Variants in MYO10 observed in about 807,000 individuals in gnomAD.
MYO10 encodes unconventional myosin-X.
Under a neutral mutation model 257.3 loss-of-function variants are expected in MYO10, and 133 were observed. The observed-to-expected ratio is 0.52, with a 90% CI of 0.45 to 0.60. MYO10 has a LOEUF of 0.60. Ranked by LOEUF, MYO10 falls within the 20% of genes least tolerant of loss-of-function variation. The pLI is 0.00. For synonymous variants in MYO10, 1,104 were observed against 1,028.6 expected (o/e 1.07, Z -1.40); for missense variants, 2,399 against 2,635.7 (o/e 0.91, Z 1.97).
chr5:16,817,018 C>T (rs915626787), intron 3 of MYO10, among the ~76,000 whole-genome samples: 11 of 151,858 alleles, frequency 7.2e-5, no homozygotes, highest in African/African-American at 2.7e-4. Flanking sequence ...TGGGATTTCA[C>T]CATGTTCGTC....
At chr5:16,713,641 G>C (rs1738721561) in intron 19 of MYO10, among the ~76,000 whole-genome samples, 1 of 152,114 alleles carries the variant, frequency 6.6e-6, no homozygotes, top group South Asian at 2.1e-4. Flanking sequence ...TTAACCAGGG[G>C]AGGGGGATCT....
intron 4 of MYO10, among the ~76,000 whole-genome samples, chr5:16,788,270 G>A (rs1460736365): frequency 1.3e-5 from 2 of 152,158 alleles, no homozygotes; most frequent in Non-Finnish European, 2.9e-5. Context: ...GGGGTGGGCA[G>A]CAAGTGACAG....
chr5:16,789,986 CTT>C, intron 4 of MYO10, among the ~76,000 whole-genome samples: 1 of 151,966 alleles, frequency 6.6e-6, no homozygotes, highest in East Asian at 1.9e-4. Flanking sequence ...GTTCCTTTTT[CTT>C]TGTGTTTCCC....
chr5:16,684,050 A>G (rs535508475), intron 29 of MYO10, 115 bp from the exon 30 acceptor site: 1 of 919,700 alleles, frequency 1.1e-6, no homozygotes, highest in African/African-American at 1.7e-5. Context: ...TTTTCTTTTT[A>G]ACTTCAAAAT....
intron 4 of MYO10, among the ~76,000 whole-genome samples, chr5:16,793,140 G>A (rs1579996619): frequency 2.0e-5 from 3 of 152,014 alleles, no homozygotes; most frequent in South Asian, 4.1e-4. Context: ...AATGCTTGGC[G>A]CCTCCACGGA....
rs1388500060 is a variant in MYO10 at position 16,840,593 on chromosome 5, C to A, written c.121-22426G>T. Reference sequence around the variant, plus strand: ...TTATGACTCTTATGACTACCAGGAACAGAGCCACTACAAGCACACTGTACA... The same window carrying A: ...TTATGACTCTTATGACTACCAGGAAAAGAGCCACTACAAGCACACTGTACA... On this transcript the variant is annotated intron_variant, in intron 2 of 40. Coordinates refer to ENST00000513610, the MANE Select transcript of MYO10 (RefSeq NM_012334.3). Among the ~76,000 whole-genome samples the A allele has an allele frequency of 2.0e-5, 3 of 152,236 alleles. No homozygotes were observed. The East Asian group carries it at 5.8e-4, about 29-fold the overall frequency.
intron 39 of MYO10, among the ~76,000 whole-genome samples, chr5:16,669,842 A>T (rs1488173813): frequency 6.6e-6 from 1 of 152,232 alleles, no homozygotes; most frequent in African/African-American, 2.4e-5. Context: ...AGGGCTGCAT[A>T]GTAAAGATTT....
chr5:16,716,730 G>C (rs1476775925), intron 19 of MYO10, among the ~76,000 whole-genome samples: 5 of 152,160 alleles, frequency 3.3e-5, no homozygotes. Flanking sequence ...TGTCACACAG[G>C]AGCCATGGGT....
At chr5:16,772,658 G>T (rs1350418783) in intron 9 of MYO10, among the ~76,000 whole-genome samples, 3 of 152,152 alleles carry the variant, frequency 2.0e-5, no homozygotes, top group African/African-American at 7.2e-5. Context: ...ATTCTATCAT[G>T]TCTTTTAATG....
Position 16,763,669 on chromosome 5 carries a change from T to G in MYO10, c.1413A>C (p.Gln471His), listed in dbSNP as rs1740785962. 2 of 1,607,716 alleles carry G rather than the reference T, an allele frequency of 1.2e-6. No individual in the cohort carries two copies. The highest frequency in any genetic ancestry group is 1.1e-5 in the South Asian group (1 of 90,840). Residue 471 changes from glutamine (Q) to histidine (H), a missense_variant, in exon 13 of 41, where the codon CAA becomes CAC. Gln to His is a conservative substitution (Grantham distance 24). Around this residue, in one of 3 missense-constraint regions of MYO10, gnomAD observed 337 missense variants for 446.8 expected, o/e 0.75. Transcript: ENST00000513610. ...TGAGTGCTTACCGGCTATATTCTAG[T>G]TGTTCTAAAGAAAAAATATGCTTGT... ...YFNKHIFSLE[Q>H]LEYSREGLVW...
intron 2 of MYO10, among the ~76,000 whole-genome samples, chr5:16,849,970 AT>A (rs1461662993): frequency 6.6e-6 from 1 of 152,184 alleles, no homozygotes; most frequent in Non-Finnish European, 1.5e-5. Flanking sequence ...GATGGCTTAG[AT>A]TTTTCTTTAC....
In MYO10 at chr5:16,664,891, A is replaced by G. The variant is rs1223698004; in HGVS notation, c.*1801T>C. ...GACCTGATGAGCAAGTCCATGAAACAAACACAAAGCCCAGACACTGAAACC... is the reference window on the plus strand; with the variant it reads ...GACCTGATGAGCAAGTCCATGAAACGAACACAAAGCCCAGACACTGAAACC... On this transcript the variant is annotated 3_prime_UTR_variant, in exon 41 of 41. Coordinates refer to ENST00000513610, the MANE Select transcript of MYO10 (RefSeq NM_012334.3). The G allele has an allele frequency of 6.6e-6, 1 of 152,292 alleles. No homozygotes were observed. Among genetic ancestry groups the G allele is most frequent in the Admixed American group, 6.5e-5 (1 of 15,278 alleles). The allele number at this position is 152,292 out of a possible 1,614,324, so 9.4% of individuals were successfully genotyped here.
chr5:16,675,652 G>A (rs1039730900), intron 34 of MYO10, among the ~76,000 whole-genome samples: 2 of 152,054 alleles, frequency 1.3e-5, no homozygotes, highest in Admixed American at 1.3e-4. Flanking sequence ...GCATGAGAAC[G>A]ACCTTAACCT....
intron 9 of MYO10, among the ~76,000 whole-genome samples, chr5:16,775,669 C>A (rs1023594392): frequency 6.6e-6 from 1 of 151,960 alleles, no homozygotes; most frequent in Admixed American, 6.6e-5. Flanking sequence ...GTGGCGCGAT[C>A]TCAGCTCACT....
chr5:16,682,491 G>A (rs772641257), intron 30 of MYO10, among the ~76,000 whole-genome samples: 18 of 152,180 alleles, frequency 1.2e-4, no homozygotes, highest in Non-Finnish European at 2.5e-4. Flanking sequence ...ACCTGGGTCC[G>A]GGTTTCCAAA....
intron 19 of MYO10, among the ~76,000 whole-genome samples, chr5:16,727,701 G>T (rs1335475694): frequency 1.3e-5 from 2 of 152,114 alleles, no homozygotes; most frequent in Non-Finnish European, 2.9e-5. Context: ...TCCCCCAAAA[G>T]ATTCCTAGGA....
intron 9 of MYO10, among the ~76,000 whole-genome samples, chr5:16,771,516 C>G (rs1741047283): frequency 1.3e-5 from 2 of 149,728 alleles, no homozygotes; most frequent in Non-Finnish European, 3.0e-5. Context: ...TCTGGCCCAA[C>G]TGACCCAAAT....
chr5:16,683,905 C>A lies in MYO10; in HGVS notation c.4021G>T (p.Val1341Leu). Reference protein sequence around the residue: ...GTLDVGLIDSVCASDSPDRPN... With the variant: ...GTLDVGLIDSLCASDSPDRPN... ...CTATCAGGGCTGTCAGAGGCACACA[C>A]AGAATCAATCAGCCCCACATCCAAG... The change falls in exon 30 of 41, where the codon GTG becomes TTG. Residue 1341 changes from valine (V) to leucine (L), a missense_variant. Val to Leu is a conservative substitution (Grantham distance 32). This residue lies in a region of MYO10 where 1,820 missense variants were observed against 1,939.4 expected (regional missense o/e 0.94). Transcript: ENST00000513610. 1 of 1,613,758 alleles carries A rather than the reference C, an allele frequency of 6.2e-7. No individual in the cohort carries two copies. Among genetic ancestry groups the A allele is most frequent in the Admixed American group, 1.7e-5 (1 of 59,970 alleles).
chr5:16,669,586 A>G (rs1427647948), intron 39 of MYO10, among the ~76,000 whole-genome samples: 1 of 152,208 alleles, frequency 6.6e-6, no homozygotes, highest in East Asian at 1.9e-4. Flanking sequence ...ATTCCTTGTC[A>G]GGGAGAAATG....
Sources: allele counts gnomAD v4.1 joint callset (sites outside exome capture counted in the v4.1 genomes callset), GRCh38; gene constraint gnomAD v4.1.1; regional missense constraint gnomAD v4.1.1; transcripts MANE v1.5; gene names NCBI Gene and HGNC (gene_info 2026-07-23, HGNC 2026-07-21).